The following JAG1 variants were observed in gnomAD, a reference collection of about 807,000 sequenced individuals.
The protein encoded by JAG1 is protein jagged-1.
A neutral mutation model predicts 148.7 loss-of-function variants in JAG1; 23 were observed. That is an observed-to-expected ratio of 0.15 (90% CI 0.11 to 0.22). The LOEUF is 0.22. JAG1 is among the 10% of genes least tolerant of loss of function. JAG1 has a pLI of 1.00. For missense variants in JAG1, 1,054 were observed against 1,611.2 expected, an observed-to-expected ratio of 0.65 and a Z score of 5.92; for synonymous variants, 572 against 598.3, an observed-to-expected ratio of 0.96 and a Z score of 0.64.
intron 2 of JAG1, among the ~76,000 whole-genome samples, chr20:10,669,978 C>A (rs1192133497): frequency 6.6e-6 from 1 of 152,106 alleles, no homozygotes; most frequent in Admixed American, 6.6e-5. Context: ...GCAAGTTAAG[C>A]CCCTTAGAGC....
intron 20 of JAG1, among the ~76,000 whole-genome samples, chr20:10,643,051 T>C (rs576744052): frequency 5.3e-5 from 8 of 152,352 alleles, no homozygotes; most frequent in Non-Finnish European, 8.8e-5. Flanking sequence ...AAACAGACAG[T>C]GGGCTGGATA....
chr20:10,652,407 A>G (rs1055386829), intron 6 of JAG1, 61 bp downstream of exon 6: 38 of 1,608,778 alleles, frequency 2.4e-5, no homozygotes, highest in Non-Finnish European at 3.0e-5. Flanking sequence ...AAAATTAGAA[A>G]CCAAATTAGT....
At chr20:10,648,326 G>A (rs1041209860) in intron 12 of JAG1, among the ~76,000 whole-genome samples, 1 of 152,118 alleles carries the variant, frequency 6.6e-6, no homozygotes, top group African/African-American at 2.4e-5. Flanking sequence ...AGAGGGGGTG[G>A]AGGGAACCAA....
chr20:10,669,546 C>CA (rs2067480436), intron 2 of JAG1, among the ~76,000 whole-genome samples: 1 of 17,006 alleles, frequency 5.9e-5, no homozygotes, highest in African/African-American at 2.1e-4. Context: ...ATTGGATTTT[C>CA]CAAAAAAAAA....
intron 4 of JAG1, 44 bp downstream of exon 4, chr20:10,658,424 T>G: frequency 1.2e-6 from 2 of 1,610,022 alleles, no homozygotes; most frequent in Non-Finnish European, 1.7e-6. Flanking sequence ...AAATGGACAC[T>G]AAAAGCAACA....
chr20:10,663,996 C>T lies in JAG1; in HGVS notation c.406G>A (p.Val136Met), dbSNP rs746158749. 7 of 1,613,980 alleles carry T rather than the reference C, an allele frequency of 4.3e-6. No individual in the cohort carries two copies. Among genetic ancestry groups the T allele is most frequent in the South Asian group, 1.1e-5 (1 of 91,080 alleles). The change falls in exon 3 of 26, where the codon GTG becomes ATG. Residue 136 changes from valine to methionine, a missense_variant. Transcript: ENST00000254958. ...TCATTACTGGAATCCCACGCCTCCA[C>T]AAGCAACGTATAGGACCTCTGCAAG... is the stretch of plus-strand genomic sequence containing the variant. ...FAWPRSYTLL[V>M]EAWDSSNDTV... is the part of the protein sequence containing the mutation.
chr20:10,640,536 A>C (rs1223029504), intron 25 of JAG1, among the ~76,000 whole-genome samples: 1 of 152,192 alleles, frequency 6.6e-6, no homozygotes, highest in Non-Finnish European at 1.5e-5. Context: ...TTTGTCACGG[A>C]TCTAGCACAA....
In JAG1 at chr20:10,673,430, G is replaced by C; in HGVS notation, c.81+20C>G. 1 of 1,440,232 alleles carries C rather than the reference G, an allele frequency of 6.9e-7. No homozygotes were observed. The highest frequency in any genetic ancestry group is 1.4e-5 in the South Asian group (1 of 69,982). The allele number at this position is 1,440,232 out of a possible 1,614,324, so 89.2% of individuals were successfully genotyped here. A position where few individuals can be genotyped will look rare whatever the true frequency, so the allele number is the denominator to read the frequency against. Reference sequence around the variant, plus strand: ...GAGGGAGAGGACGGCTGGGAGGGAGGCCCGGAGAAGGGCTCCTACCTTGGC... The same window carrying C: ...GAGGGAGAGGACGGCTGGGAGGGAGCCCCGGAGAAGGGCTCCTACCTTGGC... On this transcript the variant is annotated intron_variant, in intron 1 of 25. Coordinates refer to ENST00000254958, the MANE Select transcript of JAG1 (RefSeq NM_000214.3). This position sits in a 1 kb window ranked among gnomAD's most constrained non-coding sequence, Gnocchi z 4.7.
In JAG1 at chr20:10,652,534, C is replaced by T. The variant is rs2122615095; in HGVS notation, c.820G>A (p.Gly274Ser). Residue 274 changes from glycine to serine, a missense_variant, in exon 6 of 26, where the codon GGC becomes AGC. Gly to Ser is a moderately conservative substitution (Grantham distance 56). Around this residue, in one of 6 missense-constraint regions of JAG1, gnomAD observed 104 missense variants for 235.2 expected, o/e 0.44. Transcript: ENST00000254958. ...KCIPHPGCVH[G>S]ICNEPWQCLC... ...CACTGCCAGGGCTCATTACAGATGC[C>T]GTGGACGCATCCCGGGTGTGGGATG... 1.2e-6 allele frequency: 2 copies of T among 1,614,036 alleles called. No individual in the cohort carries two copies. The highest frequency in any genetic ancestry group is 1.7e-6 in the Non-Finnish European group (2 of 1,179,964).
intron 2 of JAG1, among the ~76,000 whole-genome samples, chr20:10,667,779 C>A (rs1168785553): frequency 6.6e-6 from 1 of 152,148 alleles, no homozygotes; most frequent in African/African-American, 2.4e-5. Context: ...ATCCCCACCC[C>A]CTTTCCCATC....
chr20:10,667,544 T>C (rs775008641), intron 2 of JAG1, among the ~76,000 whole-genome samples: 5 of 152,218 alleles, frequency 3.3e-5, no homozygotes, highest in African/African-American at 4.8e-5. Flanking sequence ...CACGTACTCA[T>C]GCACACAATG....
chr20:10,641,799 C>A lies in JAG1; in HGVS notation c.2666G>T (p.Arg889Leu). The change falls in exon 22 of 26, where the codon CGG becomes CTG. Residue 889 changes from arginine (R) to leucine (L), a missense_variant. By Grantham distance (102) the Arg-to-Leu change is moderately radical. Coordinates refer to ENST00000254958, the MANE Select transcript of JAG1 (RefSeq NM_000214.3). Reference sequence around the variant, plus strand: ...ATGTCCTACCTTTGAGCAGGCGATCCGTCCATTCAGGCACTGGCAGGTATT... The same window carrying A: ...ATGTCCTACCTTTGAGCAGGCGATCAGTCCATTCAGGCACTGGCAGGTATT... ...DCNTCQCLNG[R>L]IACSKVWCGP... 6.2e-7 allele frequency: 1 copy of A among 1,613,666 alleles called. No individual in the cohort carries two copies. The highest frequency in any genetic ancestry group is 8.5e-7 in the Non-Finnish European group (1 of 1,179,558).
chr20:10,647,211 G>A, intron 13 of JAG1, 108 bp from the exon 14 acceptor site: 1 of 1,317,546 alleles, frequency 7.6e-7, no homozygotes, highest in South Asian at 1.2e-5. Flanking sequence ...GGACCCTCTG[G>A]CTAATGAGAC....
At chr20:10,658,385 G>T in intron 4 of JAG1, 83 bp downstream of exon 4, 1 of 1,562,540 alleles carries the variant, frequency 6.4e-7, no homozygotes, top group Non-Finnish European at 8.7e-7. Flanking sequence ...TGAGATAGCC[G>T]CATGCCACCT....
In JAG1 at chr20:10,645,831, G is replaced by A; in HGVS notation, c.1999+140C>T. 4 of 744,960 alleles carry A rather than the reference G, an allele frequency of 5.4e-6. No homozygotes were observed. Among genetic ancestry groups the A allele is most frequent in the Non-Finnish European group, 9.8e-6 (4 of 410,056 alleles). The allele number at this position is 744,960 out of a possible 1,614,324, so 46.1% of individuals were successfully genotyped here. On this transcript the variant is annotated intron_variant, in intron 15 of 25. Coordinates refer to ENST00000254958, the MANE Select transcript of JAG1 (RefSeq NM_000214.3). This position sits in a 1 kb window ranked among gnomAD's most constrained non-coding sequence, Gnocchi z 6.1. ...ACTCATAAATGCAAATGAGACACAA[G>A]TGATACTGTCCCAGTGCAGAAATCA... is the stretch of plus-strand genomic sequence containing the variant.
chr20:10,645,585 A>T lies in JAG1; in HGVS notation c.2000-116T>A, dbSNP rs545503728. 7.2e-6 allele frequency: 6 copies of T among 831,770 alleles called. No homozygotes were observed. In the Admixed American group the frequency reaches 1.2e-4, roughly 16 times the overall value. 51.5% of individuals were successfully genotyped at this position (831,770 alleles called of 1,614,324 possible). ...AACATCCTATTCTGAGAACAGCCAC[A>T]GTCGTAGTACTTTAACACAATCAGG... On this transcript the variant is annotated intron_variant, in intron 15 of 25. Transcript: ENST00000254958. The surrounding 1 kb of genome is among the most constrained non-coding windows in gnomAD (Gnocchi z 6.1).
At position 10,639,156 on chromosome 20, in the gene JAG1, T is replaced by C. The variant is rs531566424; in HGVS notation, c.*342A>G. On this transcript the variant is annotated 3_prime_UTR_variant, in exon 26 of 26. Coordinates refer to ENST00000254958, the MANE Select transcript of JAG1 (RefSeq NM_000214.3). ...GAGTCAATAAATATAAATAAAACTA[T>C]GATCTAAGACTGCATCACCATTAGG... 4.6e-5 allele frequency: 15 copies of C among 327,082 alleles called. No homozygotes were observed. The highest frequency in any genetic ancestry group is 2.9e-4 in the African/African-American group (14 of 47,892). 20.3% of individuals were successfully genotyped at this position (327,082 alleles called of 1,614,324 possible). A position where few individuals can be genotyped will look rare whatever the true frequency, so the allele number is the denominator to read the frequency against.
intron 11 of JAG1, 127 bp from the exon 12 acceptor site, chr20:10,648,849 C>A: frequency 1.9e-6 from 2 of 1,027,918 alleles, no homozygotes; most frequent in Non-Finnish European, 1.5e-6. Flanking sequence ...AAATGCTAAA[C>A]CTCTGAAAGT....
At position 10,647,120 on chromosome 20, in the gene JAG1, G is replaced by A. The variant is rs1365698108; in HGVS notation, c.1721-17C>T. On this transcript the variant is annotated splice_polypyrimidine_tract_variant and intron_variant, in intron 13 of 25. Coordinates refer to ENST00000254958, the MANE Select transcript of JAG1 (RefSeq NM_000214.3). ...TGTCAATCACTAGAAGATAGGCTTG[G>A]GATCAGATCACAGCCATGCACCCAC... 3 of 1,614,166 alleles carry A rather than the reference G, an allele frequency of 1.9e-6. No individual in the cohort carries two copies. In the East Asian group the frequency reaches 6.7e-5, roughly 36 times the overall value.
Sources: gnomAD v4.1 joint callset for allele counts (sites outside exome capture counted in the v4.1 genomes callset) on GRCh38, gnomAD v4.1.1 for gene constraint, gnomAD v4.1.1 regional missense constraint, Gnocchi (gnomAD v3.1) non-coding constraint, MANE v1.5 for transcripts, NCBI Gene and HGNC (gene_info 2026-07-23, HGNC 2026-07-21) for gene names.